Variants in CFAP299 observed in about 807,000 individuals in gnomAD.
CFAP299 encodes the protein cilia- and flagella-associated protein 299.
In CFAP299, 21 loss-of-function variants were observed where a neutral mutation model predicts 27.0. That is an observed-to-expected ratio of 0.78 (90% confidence interval 0.55 to 1.12). The LOEUF (loss-of-function observed/expected upper bound fraction) is 1.12. Ranked by LOEUF, CFAP299 falls within the 50% of genes most tolerant of loss-of-function variation. CFAP299 has a pLI of 0.00. For synonymous variants in CFAP299, 104 were observed against 98.1 expected (o/e 1.06, Z -0.36); for missense variants, 310 against 276.6 (o/e 1.12, Z -0.86).
At chr4:80,925,773 G>A (rs1368659558) in intron 4 of CFAP299, among the ~76,000 whole-genome samples, 3 of 152,032 alleles carry the variant, frequency 2.0e-5, no homozygotes, top group Non-Finnish European at 4.4e-5. Flanking sequence ...TGCCAGTCTC[G>A]TGGTAATGAA....
chr4:80,512,229 T>TGTGTGTGTGTGTGTGC (rs1342405180), intron 2 of CFAP299, among the ~76,000 whole-genome samples: 1 of 151,724 alleles, frequency 6.6e-6, no homozygotes, highest in African/African-American at 2.4e-5. Flanking sequence ...ATAGTGTGTG[T>TGTGTGTGTGTGTGTGC]GTGTGTGTGT....
At chr4:80,759,908 G>A (rs1298443252) in intron 3 of CFAP299, among the ~76,000 whole-genome samples, 1 of 151,858 alleles carries the variant, frequency 6.6e-6, no homozygotes, top group Non-Finnish European at 1.5e-5. Flanking sequence ...TCTCATCATG[G>A]CAATTTTGTA....
At chr4:80,866,440 A>G (rs1474422522) in intron 3 of CFAP299, among the ~76,000 whole-genome samples, 1 of 152,098 alleles carries the variant, frequency 6.6e-6, no homozygotes, top group East Asian at 1.9e-4. Context: ...GTTGCTCTAC[A>G]TACTTAAAGG....
rs558564259 is a variant in CFAP299 at position 80,860,275 on chromosome 4, C to T, written c.334-9718C>T. ...TTTCAGCTCCACCAGCTCCTTTAAG[C>T]ACTTCTCTGTATTGGTTATTCTAGT... On this transcript the variant is annotated intron_variant, in intron 3 of 5. Coordinates refer to ENST00000358105, the MANE Select transcript of CFAP299 (RefSeq NM_152770.3). 1.6e-4 allele frequency among the ~76,000 whole-genome samples: 24 copies of T among 152,304 alleles called. No homozygotes were observed. In the East Asian group the frequency reaches 4.4e-3, roughly 28 times the overall value.
intron 2 of CFAP299, among the ~76,000 whole-genome samples, chr4:80,548,772 A>C (rs1362005327): frequency 6.6e-6 from 1 of 152,038 alleles, no homozygotes; most frequent in African/African-American, 2.4e-5. Flanking sequence ...TTCTATAATA[A>C]AATTTAGTTT....
chr4:80,496,616 T>C (rs1731453473), intron 2 of CFAP299, among the ~76,000 whole-genome samples: 1 of 152,236 alleles, frequency 6.6e-6, no homozygotes, highest in African/African-American at 2.4e-5. Flanking sequence ...CCTCTGCCTG[T>C]TCCACAGTTC....
At chr4:80,525,242 C>T (rs1005936603) in intron 2 of CFAP299, among the ~76,000 whole-genome samples, 1 of 152,128 alleles carries the variant, frequency 6.6e-6, no homozygotes, top group African/African-American at 2.4e-5. Flanking sequence ...CTTACCTGCA[C>T]TCAAGGGAAG....
chr4:80,508,527 T>C (rs1732140501), intron 2 of CFAP299, among the ~76,000 whole-genome samples: 1 of 152,200 alleles, frequency 6.6e-6, no homozygotes, highest in Admixed American at 6.6e-5. Flanking sequence ...TTTCAGATTC[T>C]CCTCACTTTT....
At chr4:80,780,281 T>A (rs1726795887) in intron 3 of CFAP299, among the ~76,000 whole-genome samples, 1 of 152,126 alleles carries the variant, frequency 6.6e-6, no homozygotes, top group African/African-American at 2.4e-5. Context: ...TGGGATTTAA[T>A]AATAGTATGT....
chr4:80,511,022 A>G (rs1047733991), intron 2 of CFAP299, among the ~76,000 whole-genome samples: 33 of 152,152 alleles, frequency 2.2e-4, no homozygotes, highest in African/African-American at 7.2e-4. Flanking sequence ...TTCAGATCCA[A>G]TAGGAGTTTT....
At chr4:80,803,995 G>A (rs1728741863) in intron 3 of CFAP299, among the ~76,000 whole-genome samples, 1 of 152,000 alleles carries the variant, frequency 6.6e-6, no homozygotes, top group Admixed American at 6.6e-5. Flanking sequence ...TCCTCACATG[G>A]TGGAAGAAAG....
chr4:80,627,958 A>G lies in CFAP299; in HGVS notation c.333+44775A>G, dbSNP rs566139023. Among the ~76,000 whole-genome samples, 41 of 152,198 alleles carry G rather than the reference A, an allele frequency of 2.7e-4. No homozygotes were observed. The South Asian group carries it at 8.3e-3, about 31-fold the overall frequency. ...GAATTCCTATCAAAATACCAATAAC[A>G]TTTTTCACAGAAATAGAAAAAACAA... On this transcript the variant is annotated intron_variant, in intron 3 of 5. Transcript: ENST00000358105.
At chr4:80,590,753 T>C (rs1736692982) in intron 3 of CFAP299, among the ~76,000 whole-genome samples, 1 of 152,218 alleles carries the variant, frequency 6.6e-6, no homozygotes, top group Non-Finnish European at 1.5e-5. Flanking sequence ...ATACTCATGT[T>C]CTAATCATAT....
At chr4:80,776,199 A>C (rs1448995306) in intron 3 of CFAP299, among the ~76,000 whole-genome samples, 6 of 152,150 alleles carry the variant, frequency 3.9e-5, no homozygotes, top group African/African-American at 1.4e-4. Flanking sequence ...ATACAAGTAT[A>C]TCATGCTAAT....
intron 3 of CFAP299, among the ~76,000 whole-genome samples, chr4:80,714,214 T>C (rs1038229827): frequency 2.0e-5 from 3 of 152,118 alleles, no homozygotes; most frequent in Non-Finnish European, 4.4e-5. Context: ...ATATGAAGTG[T>C]GGGCTATAGA....
chr4:80,614,904 A>G (rs528265189), intron 3 of CFAP299, among the ~76,000 whole-genome samples: 3 of 152,256 alleles, frequency 2.0e-5, no homozygotes, highest in South Asian at 4.1e-4. Flanking sequence ...CTTTGGTTGC[A>G]TTTACACCAA....
At chr4:80,875,996 G>C (rs1472508752) in intron 4 of CFAP299, among the ~76,000 whole-genome samples, 1 of 151,952 alleles carries the variant, frequency 6.6e-6, no homozygotes, top group East Asian at 1.9e-4. Context: ...GTGGTTACAA[G>C]GTTGAACTGC....
chr4:80,684,532 T>C (rs953350173), intron 3 of CFAP299, among the ~76,000 whole-genome samples: 2 of 152,168 alleles, frequency 1.3e-5, no homozygotes, highest in Non-Finnish European at 2.9e-5. Context: ...CCCAAAGTGC[T>C]GCTGGGATTA....
At chr4:80,798,853 AATGCATTT>A (rs1334924105) in intron 3 of CFAP299, among the ~76,000 whole-genome samples, 1 of 151,824 alleles carries the variant, frequency 6.6e-6, no homozygotes, top group Non-Finnish European at 1.5e-5. Flanking sequence ...AGAAATGTCA[AATGCATTT>A]ATTTTGCATA....
Sources: allele counts gnomAD v4.1 joint callset (sites outside exome capture counted in the v4.1 genomes callset), GRCh38; gene constraint gnomAD v4.1.1; transcripts MANE v1.5; gene names NCBI Gene and HGNC (gene_info 2026-07-23, HGNC 2026-07-21).